Variants in MAPRE1 observed in about 807,000 individuals in gnomAD.
The protein encoded by MAPRE1 is microtubule associated protein RP/EB family member 1, also known as microtubule-associated protein RP/EB family member 1.
MAPRE1 carries 5 observed loss-of-function variants against 32.1 expected under a neutral mutation model. That is an observed-to-expected ratio of 0.16 (90% confidence interval 0.08 to 0.33). The LOEUF (loss-of-function observed/expected upper bound fraction) is 0.33. Among genes scored for constraint, MAPRE1 ranks in the 10% least tolerant of loss-of-function variants. MAPRE1 has a pLI of 1.00. For missense variants in MAPRE1, 209 were observed against 327.2 expected (o/e 0.64, Z 2.79); for synonymous variants, 122 against 118.9 (o/e 1.03, Z -0.17).
At chr20:32,827,542 C>A (rs1433598267) in intron 2 of MAPRE1, among the ~76,000 whole-genome samples, 1 of 152,072 alleles carries the variant, frequency 6.6e-6, no homozygotes, top group East Asian at 1.9e-4. Context: ...CTATTCAAGC[C>A]GGCTACTGTT....
At chr20:32,846,496 G>T in intron 5 of MAPRE1, 122 bp from the exon 6 acceptor site, 1 of 870,646 alleles carries the variant, frequency 1.1e-6, no homozygotes, top group South Asian at 1.6e-5. Context: ...TTAAACTGAT[G>T]TGGTTTTTGT....
At chr20:32,836,133 G>C (rs1983195233) in intron 3 of MAPRE1, among the ~76,000 whole-genome samples, 1 of 151,694 alleles carries the variant, frequency 6.6e-6, no homozygotes, top group African/African-American at 2.4e-5. Flanking sequence ...TAATTTTTTT[G>C]TATTTTTGGT....
intron 5 of MAPRE1, among the ~76,000 whole-genome samples, chr20:32,844,439 C>CTTTTT (rs71190880): frequency 0.069 from 3,585 of 52,164 alleles, 936 homozygotes; most frequent in East Asian, 0.18. Flanking sequence ...GCTAGCATTC[C>CTTTTT]TTTTTTTTTT....
At chr20:32,830,037 C>T (rs1982974439) in intron 2 of MAPRE1, among the ~76,000 whole-genome samples, 1 of 152,142 alleles carries the variant, frequency 6.6e-6, no homozygotes, top group African/African-American at 2.4e-5. Context: ...ATTCAGGCCC[C>T]TCTGCATTTT....
chr20:32,836,641 C>T lies in MAPRE1; in HGVS notation c.275C>T (p.Pro92Leu). 6.2e-7 allele frequency: 1 copy of T among 1,605,290 alleles called. No individual in the cohort carries two copies. Among genetic ancestry groups the T allele is most frequent in the Non-Finnish European group, 8.5e-7 (1 of 1,172,492 alleles). Residue 92 changes from proline (P) to leucine (L), a missense_variant, in exon 4 of 7, where the codon CCT becomes CTT. Around this residue, in one of 3 missense-constraint regions of MAPRE1, gnomAD observed 67 missense variants for 140.0 expected, o/e 0.48. Transcript: ENST00000375571. ...AGTTGTTTTTCTCTGCAGATAATTC[C>T]TGTGGACAAATTAGTAAAAGGAAAG... ...FKRMGVDKII[P>L]VDKLVKGKFQ...
rs1449838309 is a variant in MAPRE1, at chr20:32,838,421, G to A, written c.476-1314G>A. On this transcript the variant is annotated intron_variant, in intron 4 of 6. Transcript: ENST00000375571. The stretch of plus-strand genomic sequence containing the variant: ...TTGCGTTGTTTCCCACTTTATGGCA[G>A]ATAGGAATAATGCTGCTGTGAACGT... Among the ~76,000 whole-genome samples, 3 of 152,176 alleles carry A rather than the reference G, an allele frequency of 2.0e-5. No individual in the cohort carries two copies. The East Asian group carries it at 5.8e-4, about 29-fold the overall frequency.
chr20:32,835,621 T>C (rs952487466), intron 3 of MAPRE1, among the ~76,000 whole-genome samples: 2 of 152,244 alleles, frequency 1.3e-5, no homozygotes, highest in East Asian at 1.9e-4. Context: ...TTTCTTTTTT[T>C]TTGAGACAGA....
In MAPRE1 at chr20:32,839,600, C is replaced by A. The variant is rs1330627794; in HGVS notation, c.476-135C>A. ...GGGAGCGTTGTCTTGCATGCGGGGG[C>A]TCTCTAGCATTGGTTCCCTTCACTG... On this transcript the variant is annotated intron_variant, in intron 4 of 6. Transcript: ENST00000375571. The A allele has an allele frequency of 9.2e-6, 11 of 1,194,216 alleles. No individual in the cohort carries two copies. The African/African-American group carries it at 1.5e-4, about 17-fold the overall frequency. 74.0% of individuals were successfully genotyped at this position (1,194,216 alleles called of 1,614,324 possible). A position where few individuals can be genotyped will look rare whatever the true frequency, so the allele number is the denominator to read the frequency against.
At chr20:32,823,538 C>T (rs1982758518) in intron 1 of MAPRE1, among the ~76,000 whole-genome samples, 1 of 152,194 alleles carries the variant, frequency 6.6e-6, no homozygotes, top group African/African-American at 2.4e-5. Flanking sequence ...AGTCTTCCCT[C>T]CCTACTGTCT....
chr20:32,840,941 G>A (rs757333376), intron 5 of MAPRE1, among the ~76,000 whole-genome samples: 74 of 151,964 alleles, frequency 4.9e-4, no homozygotes, highest in Admixed American at 8.5e-4. Flanking sequence ...TCAGCCTCCC[G>A]AGTAGCTGGG....
chr20:32,842,871 T>C (rs1983402684), intron 5 of MAPRE1, among the ~76,000 whole-genome samples: 1 of 152,144 alleles, frequency 6.6e-6, no homozygotes, highest in Non-Finnish European at 1.5e-5. Context: ...CTTCCTTCCC[T>C]GAGAGGGTGA....
At chr20:32,847,155 C>T (rs1052216403) in intron 6 of MAPRE1, among the ~76,000 whole-genome samples, 6 of 152,238 alleles carry the variant, frequency 3.9e-5, no homozygotes, top group Non-Finnish European at 8.8e-5. Flanking sequence ...GAAAAGCAGG[C>T]ACATGCTCCC....
rs1318689380 is a variant in MAPRE1, at chr20:32,836,742, C to G, written c.376C>G (p.Pro126Ala). The change falls in exon 4 of 7, where the codon CCT (proline) becomes GCT (alanine). Residue 126 changes from proline to alanine, a missense_variant. Pro to Ala is a conservative substitution (Grantham distance 27). This residue lies in a region of MAPRE1 where 106 missense variants were observed against 115.3 expected (regional missense o/e 0.92). Transcript: ENST00000375571. The stretch of plus-strand genomic sequence containing the variant: ...AAACTATGATGGAAAAGACTATGAC[C>G]CTGTGGCTGCCAGACAAGGTCAAGA... ...DANYDGKDYD[P>A]VAARQGQETA... 1 of 1,613,814 alleles carries G rather than the reference C, an allele frequency of 6.2e-7. No individual in the cohort carries two copies. Among genetic ancestry groups the G allele is most frequent in the East Asian group, 2.2e-5 (1 of 44,896 alleles).
chr20:32,836,461 CTTG>C (rs1983205397), intron 3 of MAPRE1, among the ~76,000 whole-genome samples, 170 bp from the exon 4 acceptor site: 1 of 152,146 alleles, frequency 6.6e-6, no homozygotes, highest in Non-Finnish European at 1.5e-5. Context: ...TGTAGGTACT[CTTG>C]AAGGCAAACT....
intron 3 of MAPRE1, among the ~76,000 whole-genome samples, chr20:32,834,157 T>C (rs1983119163): frequency 6.6e-6 from 1 of 152,178 alleles, no homozygotes; most frequent in Non-Finnish European, 1.5e-5. Context: ...TCTCTAGTAG[T>C]CTGGAATCTA....
chr20:32,827,937 CTTT>C (rs112031443), intron 2 of MAPRE1, among the ~76,000 whole-genome samples: 32 of 141,732 alleles, frequency 2.3e-4, no homozygotes, highest in Non-Finnish European at 4.0e-4. Flanking sequence ...AGGATTTTTT[CTTT>C]TTTTTTTTTG....
At chr20:32,835,212 A>G (rs1295079603) in intron 3 of MAPRE1, among the ~76,000 whole-genome samples, 1 of 152,136 alleles carries the variant, frequency 6.6e-6, no homozygotes, top group African/African-American at 2.4e-5. Flanking sequence ...GCAACAGAGC[A>G]AGACCCCATC....
intron 5 of MAPRE1, among the ~76,000 whole-genome samples, chr20:32,845,222 T>C (rs2146140455): frequency 6.6e-6 from 1 of 152,204 alleles, no homozygotes; most frequent in East Asian, 1.9e-4. Context: ...TAGATTTTTT[T>C]GTAGAGACAG....
chr20:32,848,292 C>G (rs1983560490), intron 6 of MAPRE1, among the ~76,000 whole-genome samples: 1 of 152,188 alleles, frequency 6.6e-6, no homozygotes, highest in South Asian at 2.1e-4. Context: ...CTTGGCCTTC[C>G]AAAGTGCTAG....
Sources: gnomAD v4.1 joint callset for allele counts (sites outside exome capture counted in the v4.1 genomes callset) on GRCh38, gnomAD v4.1.1 for gene constraint, gnomAD v4.1.1 regional missense constraint, MANE v1.5 for transcripts, NCBI Gene and HGNC (gene_info 2026-07-23, HGNC 2026-07-21) for gene names.